Variants in SLC1A1 observed in about 807,000 individuals in gnomAD.
SLC1A1 encodes the protein excitatory amino acid transporter 3.
In SLC1A1, 43 loss-of-function variants were observed where a neutral mutation model predicts 53.3. The observed-to-expected ratio is 0.81, with a 90% CI of 0.63 to 1.04. The LOEUF is 1.04. Ranked by LOEUF, SLC1A1 falls within the 50% of genes least tolerant of loss-of-function variation. The probability of loss-of-function intolerance (pLI) is 0.00; values close to 1 mark genes in which losing one functional copy is unlikely to be tolerated. For missense variants in SLC1A1, 748 were observed against 664.9 expected, an observed-to-expected ratio of 1.12 and a Z score of -1.37; for synonymous variants, 307 against 243.2, an observed-to-expected ratio of 1.26 and a Z score of -2.44.
chr9:4,560,200 A>T (rs1265837408), intron 2 of SLC1A1: 3 of 152,242 alleles, frequency 2.0e-5, no homozygotes, highest in African/African-American at 7.2e-5. Flanking sequence ...GTTTACACAG[A>T]AGCAATTTGA....
intron 1 of SLC1A1, among the ~76,000 whole-genome samples, chr9:4,513,766 C>G (rs1447592170): frequency 2.6e-5 from 4 of 152,174 alleles, no homozygotes; most frequent in Admixed American, 6.5e-5. Context: ...TATAGCAGCA[C>G]TCTGCATAAT....
chr9:4,542,638 A>G (rs897450765), intron 1 of SLC1A1, among the ~76,000 whole-genome samples: 5 of 152,182 alleles, frequency 3.3e-5, no homozygotes, highest in Non-Finnish European at 7.3e-5. Context: ...TATGAGAGAG[A>G]ATATTTGTTT....
intron 1 of SLC1A1, among the ~76,000 whole-genome samples, chr9:4,534,051 T>A (rs1296837500): frequency 6.6e-6 from 1 of 152,060 alleles, no homozygotes; most frequent in East Asian, 1.9e-4. Context: ...CTGGGACACG[T>A]TCAAAGCAGT....
intron 2 of SLC1A1, among the ~76,000 whole-genome samples, chr9:4,559,607 T>C (rs542304354): frequency 6.6e-6 from 1 of 152,366 alleles, no homozygotes; most frequent in African/African-American, 2.4e-5. Context: ...CTATGCATGC[T>C]GATAGCCATA....
chr9:4,561,300 T>C, intron 2 of SLC1A1, 149 bp from the exon 3 acceptor site: 2 of 707,474 alleles, frequency 2.8e-6, no homozygotes, highest in South Asian at 3.0e-5. Flanking sequence ...AATTTTGAAG[T>C]GTTGCTTTTG....
intron 7 of SLC1A1, among the ~76,000 whole-genome samples, chr9:4,573,323 G>C (rs1564058157): frequency 6.6e-6 from 1 of 152,148 alleles, no homozygotes; most frequent in Non-Finnish European, 1.5e-5. Flanking sequence ...ACTTAATACT[G>C]CAGAAACCTC....
intron 2 of SLC1A1, chr9:4,559,905 C>T (rs1026065654): frequency 6.6e-6 from 1 of 152,102 alleles, no homozygotes; most frequent in Non-Finnish European, 1.5e-5. Flanking sequence ...CTTTTGACTC[C>T]GTTTATATGA....
chr9:4,517,902 A>T (rs1384327193), intron 1 of SLC1A1, among the ~76,000 whole-genome samples: 1 of 152,048 alleles, frequency 6.6e-6, no homozygotes, highest in Non-Finnish European at 1.5e-5. Flanking sequence ...TCAACTGAAA[A>T]TTGTTGAAAT....
chr9:4,491,183 G>A (rs1476563175), intron 1 of SLC1A1, among the ~76,000 whole-genome samples: 1 of 152,238 alleles, frequency 6.6e-6, no homozygotes, highest in African/African-American at 2.4e-5. Flanking sequence ...CGCGGGCAGA[G>A]ATTGAGTGTG....
intron 2 of SLC1A1, among the ~76,000 whole-genome samples, chr9:4,545,289 G>A (rs925142655): frequency 6.8e-6 from 1 of 147,260 alleles, no homozygotes; most frequent in Non-Finnish European, 1.5e-5. Context: ...ACATGGCATT[G>A]CTTTGTCATA....
At chr9:4,503,764 T>C (rs1339719845) in intron 1 of SLC1A1, among the ~76,000 whole-genome samples, 1 of 151,906 alleles carries the variant, frequency 6.6e-6, no homozygotes. Context: ...ACTACACAGG[T>C]CTGTCACATC....
At chr9:4,516,594 C>T (rs1179668904) in intron 1 of SLC1A1, among the ~76,000 whole-genome samples, 1 of 152,196 alleles carries the variant, frequency 6.6e-6, no homozygotes, top group African/African-American at 2.4e-5. Flanking sequence ...ATCCCATGGG[C>T]TTCACTTTCC....
At chr9:4,507,541 G>A in intron 1 of SLC1A1, among the ~76,000 whole-genome samples, 1 of 152,166 alleles carries the variant, frequency 6.6e-6, no homozygotes, top group East Asian at 1.9e-4. Context: ...GTCCTTCTGG[G>A]AGTGGGGAAA....
chr9:4,548,232 C>G (rs996397796), intron 2 of SLC1A1, among the ~76,000 whole-genome samples: 1 of 152,068 alleles, frequency 6.6e-6, no homozygotes. Context: ...TCCTCCAGAC[C>G]CTGAAGTAGT....
intron 7 of SLC1A1, among the ~76,000 whole-genome samples, chr9:4,573,205 A>T (rs1156321637): frequency 6.6e-6 from 1 of 152,146 alleles, no homozygotes; most frequent in Non-Finnish European, 1.5e-5. Context: ...CTTTCTTAGG[A>T]TGCATCTGTC....
chr9:4,555,271 A>C (rs148313467), intron 2 of SLC1A1, among the ~76,000 whole-genome samples: 73 of 152,338 alleles, frequency 4.8e-4, no homozygotes, highest in African/African-American at 1.3e-3. Context: ...TAATGGCATA[A>C]CACCACCAAA....
rs1472286924 is a variant in SLC1A1 at position 4,583,296 on chromosome 9, A to C, written c.1328+124A>C. 4.0e-6 allele frequency: 5 copies of C among 1,249,976 alleles called. No homozygotes were observed. The highest frequency in any genetic ancestry group is 4.7e-6 in the Non-Finnish European group (4 of 857,212). The allele number at this position is 1,249,976 out of a possible 1,614,324, so 77.4% of individuals were successfully genotyped here. On this transcript the variant is annotated intron_variant, in intron 11 of 11. Coordinates refer to ENST00000262352, the MANE Select transcript of SLC1A1 (RefSeq NM_004170.6). This position sits in a 1 kb window ranked among gnomAD's most constrained non-coding sequence, Gnocchi z 4.6. Reference sequence around the variant, plus strand: ...TAATGAGCCACCTGTTGCTGCTTTAATTTTCCTCTGACCAGGCCATCTGAT... The same window carrying C: ...TAATGAGCCACCTGTTGCTGCTTTACTTTTCCTCTGACCAGGCCATCTGAT...
At chr9:4,551,022 G>A (rs1452111937) in intron 2 of SLC1A1, among the ~76,000 whole-genome samples, 1 of 152,210 alleles carries the variant, frequency 6.6e-6, no homozygotes, top group Non-Finnish European at 1.5e-5. Context: ...CACTCCAGAT[G>A]CAATCTAGTT....
chr9:4,554,791 A>T (rs536024926), intron 2 of SLC1A1, among the ~76,000 whole-genome samples: 1 of 152,348 alleles, frequency 6.6e-6, no homozygotes, highest in African/African-American at 2.4e-5. Flanking sequence ...TATGTTTTTA[A>T]AGGATCTCTT....
Sources: gnomAD v4.1 joint callset for allele counts (sites outside exome capture counted in the v4.1 genomes callset) on GRCh38, gnomAD v4.1.1 for gene constraint, Gnocchi (gnomAD v3.1) non-coding constraint, MANE v1.5 for transcripts, NCBI Gene and HGNC (gene_info 2026-07-23, HGNC 2026-07-21) for gene names.